Variants in PARN observed in about 807,000 individuals in gnomAD.
The protein encoded by PARN is poly(A)-specific ribonuclease PARN.
PARN carries 71 observed loss-of-function variants against 102.8 expected under a neutral mutation model. The ratio of observed to expected loss-of-function variants is 0.69; its 90% CI spans 0.57 to 0.84. The LOEUF is 0.84. Among genes scored for constraint, PARN ranks in the 40% least tolerant of loss-of-function variants. PARN has a pLI of 0.00. For missense variants in PARN, 782 were observed against 760.9 expected (o/e 1.03, Z -0.33); for synonymous variants, 261 against 252.9 (o/e 1.03, Z -0.30).
chr16:14,517,072 A>T (rs1366949133), intron 21 of PARN, among the ~76,000 whole-genome samples: 2 of 152,206 alleles, frequency 1.3e-5, no homozygotes, highest in Non-Finnish European at 2.9e-5. Flanking sequence ...GACTAAAAAG[A>T]GACAAGACTG....
chr16:14,468,567 G>T (rs552341919), intron 22 of PARN, among the ~76,000 whole-genome samples: 2 of 152,304 alleles, frequency 1.3e-5, no homozygotes, highest in African/African-American at 4.8e-5. Context: ...CAGCCTTGCT[G>T]ATGGGCAGGT....
At chr16:14,460,773 CTAAA>C (rs1405277995) in intron 22 of PARN, among the ~76,000 whole-genome samples, 1 of 152,150 alleles carries the variant, frequency 6.6e-6, no homozygotes, top group African/African-American at 2.4e-5. Context: ...AGATCAATGA[CTAAA>C]TAACAAATAA....
intron 5 of PARN, among the ~76,000 whole-genome samples, chr16:14,622,133 C>T (rs1300526218): frequency 6.6e-6 from 1 of 152,044 alleles, no homozygotes; most frequent in African/African-American, 2.4e-5. Context: ...GTGGAGGTTA[C>T]AGTGAGCCAA....
chr16:14,436,940 G>A (rs552606079), intron 23 of PARN, among the ~76,000 whole-genome samples, 168 bp from the exon 24 acceptor site: 51 of 152,346 alleles, frequency 3.3e-4, no homozygotes, highest in Admixed American at 3.0e-3. Flanking sequence ...CTTGTCTAGG[G>A]AGGGCAGTGC....
intron 21 of PARN, among the ~76,000 whole-genome samples, chr16:14,527,169 CTA>C (rs1348018211): frequency 2.6e-5 from 4 of 152,222 alleles, no homozygotes; most frequent in African/African-American, 9.6e-5. Flanking sequence ...ACTAATTTCT[CTA>C]TATGACCTTG....
At chr16:14,522,068 C>T (rs1032594133) in intron 21 of PARN, among the ~76,000 whole-genome samples, 4 of 152,304 alleles carry the variant, frequency 2.6e-5, no homozygotes, top group South Asian at 2.1e-4. Flanking sequence ...GATGTTCACA[C>T]AACGAAAATG....
intron 22 of PARN, among the ~76,000 whole-genome samples, chr16:14,462,159 T>A (rs1003631925): frequency 6.6e-6 from 1 of 152,098 alleles, no homozygotes; most frequent in African/African-American, 2.4e-5. Context: ...AATGTCCTTA[T>A]AGACATAAAA....
intron 22 of PARN, among the ~76,000 whole-genome samples, chr16:14,461,033 G>A (rs1467781446): frequency 3.3e-5 from 5 of 152,192 alleles, no homozygotes; most frequent in Non-Finnish European, 5.9e-5. Context: ...ATGAAGTGAT[G>A]AGGATGGCAC....
At chr16:14,619,180 G>A (rs1444866276) in intron 5 of PARN, among the ~76,000 whole-genome samples, 1 of 152,154 alleles carries the variant, frequency 6.6e-6, no homozygotes, top group Non-Finnish European at 1.5e-5. Flanking sequence ...TCCAGCCTGA[G>A]TGACAAAGTG....
At chr16:14,454,135 C>T (rs1461520867) in intron 22 of PARN, among the ~76,000 whole-genome samples, 1 of 152,100 alleles carries the variant, frequency 6.6e-6, no homozygotes, top group Non-Finnish European at 1.5e-5. Context: ...TACATATGAT[C>T]ATGATACAAC....
chr16:14,466,140 CTAAAA>C (rs1374909195), intron 22 of PARN, among the ~76,000 whole-genome samples: 4 of 151,822 alleles, frequency 2.6e-5, no homozygotes, highest in African/African-American at 9.7e-5. Flanking sequence ...ACTCCAGAAC[CTAAAA>C]TAAAAGTTAA....
intron 5 of PARN, among the ~76,000 whole-genome samples, chr16:14,624,101 A>G (rs1972491013): frequency 6.6e-6 from 1 of 152,200 alleles, no homozygotes; most frequent in Admixed American, 6.6e-5. Flanking sequence ...CTTGACAAGC[A>G]TATGGGAGCA....
At chr16:14,588,147 C>A (rs941429724) in intron 13 of PARN, among the ~76,000 whole-genome samples, 1 of 152,206 alleles carries the variant, frequency 6.6e-6, no homozygotes, top group Non-Finnish European at 1.5e-5. Flanking sequence ...AAGGCAAAAG[C>A]TGCACCGCGG....
intron 23 of PARN, among the ~76,000 whole-genome samples, chr16:14,441,402 G>C (rs147224881): frequency 3.9e-5 from 6 of 152,330 alleles, no homozygotes; most frequent in Admixed American, 3.9e-4. Flanking sequence ...GTAAGGCATT[G>C]CTTTTTCCAG....
At chr16:14,443,340 CTTTT>C (rs200799394) in intron 23 of PARN, among the ~76,000 whole-genome samples, 3 of 139,056 alleles carry the variant, frequency 2.2e-5, no homozygotes, top group Admixed American at 7.1e-5. Flanking sequence ...AAAGAGATTA[CTTTT>C]TTTTTTTTTT....
intron 16 of PARN, among the ~76,000 whole-genome samples, chr16:14,582,543 C>T (rs1969598149): frequency 6.6e-6 from 1 of 152,046 alleles, no homozygotes; most frequent in Non-Finnish European, 1.5e-5. Flanking sequence ...GCTTTCTCGT[C>T]CCACACTGGT....
At chr16:14,466,321 G>A (rs775698117) in intron 22 of PARN, among the ~76,000 whole-genome samples, 1 of 152,120 alleles carries the variant, frequency 6.6e-6, no homozygotes, top group Non-Finnish European at 1.5e-5. Context: ...AATGTTCATA[G>A]CTTTCATTGA....
intron 5 of PARN, among the ~76,000 whole-genome samples, chr16:14,625,184 C>A (rs1415754153): frequency 6.6e-6 from 1 of 150,866 alleles, no homozygotes. Context: ...ACTTTTCCCT[C>A]AATGAAAATT....
intron 21 of PARN, among the ~76,000 whole-genome samples, chr16:14,524,349 G>T (rs1965888324): frequency 6.6e-6 from 1 of 152,144 alleles, no homozygotes; most frequent in Non-Finnish European, 1.5e-5. Flanking sequence ...AGATCATCAA[G>T]ATTCATTACC....
Sources: gnomAD v4.1 joint callset for allele counts (sites outside exome capture counted in the v4.1 genomes callset) on GRCh38, gnomAD v4.1.1 for gene constraint, MANE v1.5 for transcripts, NCBI Gene and HGNC (gene_info 2026-07-23, HGNC 2026-07-21) for gene names.